PUS10: variants seen among roughly 807,000 people sequenced by gnomAD.
PUS10 encodes pseudouridine synthase 10.
A neutral mutation model predicts 75.0 loss-of-function variants in PUS10; 59 were observed. That is an observed-to-expected ratio of 0.79 (90% CI 0.64 to 0.98). PUS10 has a LOEUF of 0.98. Among genes scored for constraint, PUS10 ranks in the 50% least tolerant of loss-of-function variants. The pLI is 0.00. For missense variants in PUS10, 650 were observed against 614.4 expected, an observed-to-expected ratio of 1.06 and a Z score of -0.61; for synonymous variants, 219 against 211.6, an observed-to-expected ratio of 1.03 and a Z score of -0.30.
chr2:60,996,221 G>A (rs1326009675), intron 4 of PUS10, among the ~76,000 whole-genome samples: 2 of 152,156 alleles, frequency 1.3e-5, no homozygotes, highest in South Asian at 2.1e-4. Flanking sequence ...CCCCAATAAC[G>A]AGTTATTAGA....
Position 60,954,199 on chromosome 2 carries a change from T to A in PUS10, c.1058-41A>T, listed in dbSNP as rs201078007. 1.6e-5 allele frequency: 26 copies of A among 1,599,596 alleles called. No homozygotes were observed. In the Middle Eastern group the frequency reaches 5.0e-4, roughly 31 times the overall value. ...CCGTCATGAAACAGAAACGTGTTGA[T>A]GGAGTTAACATTTGGGCTAATGCAA... On this transcript the variant is annotated intron_variant, in intron 12 of 17. Transcript: ENST00000316752.
At position 60,942,406 on chromosome 2, in the gene PUS10, G is replaced by C; in HGVS notation, c.1579C>G (p.Leu527Val). ...TCCAAATTTGAAAGCTAGTCATCCA[G>C]AGCAGGTGGCCAGTCAACATCTACA... ...ESVDVDWPPA[L>V]DD The change falls in exon 18 of 18, where the codon CTG becomes GTG. Residue 527 changes from leucine to valine, a missense_variant. By Grantham distance (32) the Leu-to-Val change is conservative (BLOSUM62 1). Transcript: ENST00000316752. 1 of 1,613,546 alleles carries C rather than the reference G, an allele frequency of 6.2e-7. No homozygotes were observed. Among genetic ancestry groups the C allele is most frequent in the Non-Finnish European group, 8.5e-7 (1 of 1,179,474 alleles).
At chr2:60,948,292 G>A in intron 15 of PUS10, 107 bp from the exon 16 acceptor site, 1 of 1,060,816 alleles carries the variant, frequency 9.4e-7, no homozygotes, top group Non-Finnish European at 1.4e-6. Context: ...ATGCTTCCTT[G>A]AGAGAACTAA....
intron 4 of PUS10, among the ~76,000 whole-genome samples, chr2:61,002,170 G>A (rs1678896772): frequency 1.3e-5 from 2 of 152,168 alleles, no homozygotes; most frequent in Non-Finnish European, 2.9e-5. Flanking sequence ...CTGACCTACT[G>A]TATTAGCATC....
At chr2:61,002,469 G>A (rs1678916427) in intron 4 of PUS10, among the ~76,000 whole-genome samples, 1 of 152,044 alleles carries the variant, frequency 6.6e-6, no homozygotes, top group South Asian at 2.1e-4. Flanking sequence ...TTTGAGACAG[G>A]ATCTTACTTT....
At chr2:60,944,678 T>C (rs1049955904) in intron 17 of PUS10, among the ~76,000 whole-genome samples, 2 of 152,228 alleles carry the variant, frequency 1.3e-5, no homozygotes, top group Non-Finnish European at 2.9e-5. Context: ...TGTGAATCCA[T>C]GTTTCTGAAT....
intron 15 of PUS10, among the ~76,000 whole-genome samples, chr2:60,948,696 A>G (rs1046177564): frequency 1.3e-5 from 2 of 152,238 alleles, no homozygotes; most frequent in Admixed American, 1.3e-4. Context: ...GATGTGCATA[A>G]TAAACCGGGA....
intron 15 of PUS10, among the ~76,000 whole-genome samples, chr2:60,948,890 A>AGCGTAATCAG (rs1301745139): frequency 8.5e-5 from 13 of 152,220 alleles, no homozygotes; most frequent in South Asian, 2.1e-4. Context: ...CCAAGTTTTA[A>AGCGTAATCAG]AAATTGGGCG....
chr2:61,012,867 AAT>A (rs1559006783), intron 1 of PUS10, among the ~76,000 whole-genome samples: 2,147 of 27,710 alleles, frequency 0.077, 97 homozygotes, highest in East Asian at 0.1. Context: ...AAAAAAAAAA[AAT>A]ATATATATAT....
chr2:60,991,118 A>G (rs1678046935), intron 4 of PUS10, among the ~76,000 whole-genome samples: 2 of 152,138 alleles, frequency 1.3e-5, no homozygotes, highest in Admixed American at 6.6e-5. Context: ...GGCTCAGGCA[A>G]TCCTCCTGCC....
intron 14 of PUS10, 105 bp from the exon 15 acceptor site, chr2:60,953,219 G>T: frequency 1.5e-6 from 1 of 678,364 alleles, no homozygotes. Flanking sequence ...TAATTTCCCA[G>T]TTTTAACTGT....
intron 4 of PUS10, among the ~76,000 whole-genome samples, chr2:61,001,004 C>G (rs1332478717): frequency 6.6e-6 from 1 of 152,198 alleles, no homozygotes; most frequent in Non-Finnish European, 1.5e-5. Flanking sequence ...TTCGTTCTCC[C>G]TTACCAATGA....
Position 60,967,523 on chromosome 2 carries a change from C to A in PUS10, c.594G>T (p.Leu198=). The A allele has an allele frequency of 1.2e-6, 2 of 1,603,212 alleles. No homozygotes were observed. The highest frequency in any genetic ancestry group is 2.2e-5 in the South Asian group (2 of 89,810). The change falls in exon 6 of 18, where the codon CTG becomes CTT. Residue 198 remains leucine (L), a synonymous_variant. Transcript: ENST00000316752. ...ATACCTTTCCATCAATGGGAACACC[C>A]AGTTCCTCTGAAAACAGGGGGTGAG... ...WITHPLFSEE[L]GVPIDGKSLF...
intron 2 of PUS10, 148 bp downstream of exon 2, chr2:61,011,617 A>C: frequency 1.8e-6 from 1 of 565,362 alleles, no homozygotes; most frequent in Non-Finnish European, 2.8e-6. Flanking sequence ...ACTATTCCAA[A>C]ATTATGAATA....
At chr2:60,970,260 G>A (rs10191548) in intron 5 of PUS10, among the ~76,000 whole-genome samples, 50,818 of 151,936 alleles carry the variant, frequency 0.33, 9,012 homozygotes, top group Middle Eastern at 0.43. Flanking sequence ...AAGATCTAAC[G>A]AAACCCCCAA....
intron 9 of PUS10, 112 bp from the exon 10 acceptor site, chr2:60,961,660 C>A: frequency 1.1e-6 from 1 of 926,294 alleles, no homozygotes; most frequent in South Asian, 1.4e-5. Context: ...CTCTCTCTAA[C>A]TTTTAGTTTC....
intron 6 of PUS10, 55 bp downstream of exon 6, chr2:60,967,433 CCCTGCCATATAATT>C (rs1485903768): frequency 1.8e-6 from 2 of 1,084,140 alleles, no homozygotes; most frequent in Admixed American, 4.8e-5. Flanking sequence ...CTAACCAAAA[CCCTGCCATATAATT>C]AAGTAAAACT....
At chr2:61,006,725 G>T in intron 3 of PUS10, 82 bp from the exon 4 acceptor site, 1 of 1,084,684 alleles carries the variant, frequency 9.2e-7, no homozygotes, top group Non-Finnish European at 1.3e-6. Context: ...ATGAATTTCT[G>T]GTCCAGGAGA....
rs540710604 is a variant in PUS10, at chr2:60,996,116, T to C, written c.468+10441A>G. On this transcript the variant is annotated intron_variant, in intron 4 of 17. Transcript: ENST00000316752. ...CTTCTAGTCCTGCTTGACTGTGGCT[T>C]CCTCCTCACAGGAATGTGATTTGTT... 3.3e-5 allele frequency among the ~76,000 whole-genome samples: 5 copies of C among 152,338 alleles called. 1 individual carries two copies. In the South Asian group the frequency reaches 1.0e-3, roughly 32 times the overall value.
Sources: gnomAD v4.1 joint callset for allele counts (sites outside exome capture counted in the v4.1 genomes callset) on GRCh38, gnomAD v4.1.1 for gene constraint, MANE v1.5 for transcripts, NCBI Gene and HGNC (gene_info 2026-07-23, HGNC 2026-07-21) for gene names.